Variants in NSUN6 observed in about 807,000 individuals in gnomAD.
NSUN6 encodes tRNA (cytosine(72)-C(5))-methyltransferase NSUN6.
In NSUN6, 64 loss-of-function variants were observed where a neutral mutation model predicts 58.0. The ratio of observed to expected loss-of-function variants is 1.10; its 90% CI spans 0.90 to 1.36. The LOEUF (loss-of-function observed/expected upper bound fraction) is 1.36, where lower values mean the gene tolerates loss of function less well. NSUN6 is among the 40% of genes most tolerant of loss of function. The probability of loss-of-function intolerance (pLI) is 0.00; values close to 1 mark genes in which losing one functional copy is unlikely to be tolerated. For synonymous variants in NSUN6, 231 were observed against 193.9 expected, an observed-to-expected ratio of 1.19 and a Z score of -1.59; for missense variants, 701 against 550.1, an observed-to-expected ratio of 1.27 and a Z score of -2.74.
chr10:18,649,026 G>C (rs976998386), intron 1 of NSUN6, among the ~76,000 whole-genome samples: 2 of 152,134 alleles, frequency 1.3e-5, no homozygotes, highest in African/African-American at 4.8e-5. Flanking sequence ...ATCCAAGTTA[G>C]TTGGACGTTA....
intron 5 of NSUN6, among the ~76,000 whole-genome samples, chr10:18,611,834 T>C (rs1158329057): frequency 1.3e-5 from 2 of 151,800 alleles, no homozygotes; most frequent in Non-Finnish European, 1.5e-5. Context: ...GCTTCCGGAG[T>C]TCCTGGAATA....
At chr10:18,629,254 G>A (rs1405083941) in intron 3 of NSUN6, among the ~76,000 whole-genome samples, 1 of 152,132 alleles carries the variant, frequency 6.6e-6, no homozygotes, top group Non-Finnish European at 1.5e-5. Flanking sequence ...CCTGAAGGAA[G>A]CACTAAACAT....
At chr10:18,567,597 C>CTCCATTCCATTCTCTAT (rs1240071655) in intron 8 of NSUN6, among the ~76,000 whole-genome samples, 20 of 149,070 alleles carry the variant, frequency 1.3e-4, no homozygotes, top group African/African-American at 4.8e-4. Flanking sequence ...GCATTCCATT[C>CTCCATTCCATTCTCTAT]TCCATTCCAT....
At chr10:18,643,922 T>G (rs182787439) in intron 2 of NSUN6, among the ~76,000 whole-genome samples, 1 of 152,292 alleles carries the variant, frequency 6.6e-6, no homozygotes, top group African/African-American at 2.4e-5. Flanking sequence ...AAACCACACA[T>G]GTACATACCC....
chr10:18,546,222 G>A, intron 10 of NSUN6, 77 bp from the exon 11 acceptor site: 1 of 1,013,998 alleles, frequency 9.9e-7, no homozygotes. Flanking sequence ...TAAGTTAAAA[G>A]ACAAATTGGG....
intron 9 of NSUN6, among the ~76,000 whole-genome samples, chr10:18,548,650 T>A (rs1303926265): frequency 6.6e-6 from 1 of 152,160 alleles, no homozygotes; most frequent in African/African-American, 2.4e-5. Flanking sequence ...TGTTGCCCAG[T>A]CTTGTCTTAC....
chr10:18,567,724 CCATTCCATTCTGCATTT>C (rs149092178), intron 8 of NSUN6, among the ~76,000 whole-genome samples: 29,460 of 150,794 alleles, frequency 0.2, 3,143 homozygotes, highest in South Asian at 0.31. Context: ...ATTCCATCCT[CCATTCCATTCTGCATTT>C]CATTCCATTC....
In NSUN6 at chr10:18,550,696, G is replaced by T. The variant is rs752520602; in HGVS notation, c.1071+1127C>A. ...ATCAATGAGTTTTGCTCCCTATTGG[G>T]CCTTCTTCTAAAGACGACCCCCAAA... On this transcript the variant is annotated intron_variant, in intron 9 of 10. Transcript: ENST00000377304. Among the ~76,000 whole-genome samples, 3 of 150,296 alleles carry T rather than the reference G, an allele frequency of 2.0e-5. No individual in the cohort carries two copies. In the Admixed American group the frequency reaches 2.0e-4, roughly 10 times the overall value.
chr10:18,646,620 A>G (rs1184005960), intron 2 of NSUN6, among the ~76,000 whole-genome samples: 5 of 152,194 alleles, frequency 3.3e-5, no homozygotes, highest in Non-Finnish European at 5.9e-5. Context: ...CAAGGTGGGC[A>G]GATCACAGGG....
intron 7 of NSUN6, among the ~76,000 whole-genome samples, chr10:18,588,315 G>A (rs2057248568): frequency 6.6e-6 from 1 of 152,206 alleles, no homozygotes; most frequent in Non-Finnish European, 1.5e-5. Context: ...AGCACCTGGG[G>A]GGAGGGGTGG....
At chr10:18,610,062 G>T in intron 5 of NSUN6, 136 bp from the exon 6 acceptor site, 1 of 630,412 alleles carries the variant, frequency 1.6e-6, no homozygotes, top group Non-Finnish European at 2.9e-6. Flanking sequence ...GCTCAAGCCT[G>T]TAATCCCAGC....
chr10:18,644,535 A>G (rs1212803408), intron 2 of NSUN6, among the ~76,000 whole-genome samples: 1 of 149,174 alleles, frequency 6.7e-6, no homozygotes, highest in African/African-American at 2.5e-5. Flanking sequence ...CTTACATATG[A>G]GTAAGTACAA....
chr10:18,561,479 T>C (rs2055502974), intron 8 of NSUN6, among the ~76,000 whole-genome samples: 1 of 106,812 alleles, frequency 9.4e-6, no homozygotes, highest in Non-Finnish European at 2.0e-5. Flanking sequence ...AGGAATAGAA[T>C]ATAGAATGCA....
intron 3 of NSUN6, among the ~76,000 whole-genome samples, chr10:18,619,789 T>C (rs763578341): frequency 7.9e-5 from 12 of 152,226 alleles, no homozygotes; most frequent in Non-Finnish European, 1.8e-4. Context: ...TGACTGTCAG[T>C]TGATGTAAGA....
chr10:18,594,366 C>T (rs2057498820), intron 7 of NSUN6, among the ~76,000 whole-genome samples: 1 of 152,118 alleles, frequency 6.6e-6, no homozygotes, highest in South Asian at 2.1e-4. Flanking sequence ...AATGGCATAG[C>T]CTACAATGCA....
rs144576288 is a variant in NSUN6, at chr10:18,582,949, T to C, written c.922+3000A>G. ...TAGCATTCAAGTTGTTACGATGTAT[T>C]TGTCAGGCCTCTGAGACGAAGCTCA... On this transcript the variant is annotated intron_variant, in intron 8 of 10. Coordinates refer to ENST00000377304, the MANE Select transcript of NSUN6 (RefSeq NM_182543.5). 6.2e-3 allele frequency among the ~76,000 whole-genome samples: 944 copies of C among 152,230 alleles called. 13 individuals carry two copies. The highest frequency in any genetic ancestry group is 0.021 in the African/African-American group (883 of 41,530).
intron 3 of NSUN6, among the ~76,000 whole-genome samples, chr10:18,628,430 G>A (rs1349087952): frequency 6.6e-6 from 1 of 152,344 alleles, no homozygotes; most frequent in Non-Finnish European, 1.5e-5. Flanking sequence ...GCTGAGAGAA[G>A]AAGGCTTCAG....
At chr10:18,643,385 G>C (rs966557006) in intron 2 of NSUN6, among the ~76,000 whole-genome samples, 2 of 151,866 alleles carry the variant, frequency 1.3e-5, no homozygotes, top group African/African-American at 2.4e-5. Flanking sequence ...TCGTAGGTTA[G>C]GGTTTATCAA....
chr10:18,628,592 G>A (rs1422054289), intron 3 of NSUN6, among the ~76,000 whole-genome samples: 1 of 152,154 alleles, frequency 6.6e-6, no homozygotes, highest in Non-Finnish European at 1.5e-5. Flanking sequence ...CAAGGCTCGA[G>A]AACTACGTGA....
Sources: gnomAD v4.1 joint callset for allele counts (sites outside exome capture counted in the v4.1 genomes callset) on GRCh38, gnomAD v4.1.1 for gene constraint, MANE v1.5 for transcripts, NCBI Gene and HGNC (gene_info 2026-07-23, HGNC 2026-07-21) for gene names.